Variants in ATL2 observed in about 807,000 individuals in gnomAD.
ATL2 encodes the protein atlastin GTPase 2.
ATL2 carries 31 observed loss-of-function variants against 73.9 expected under a neutral mutation model. The observed-to-expected ratio is 0.42, with a 90% confidence interval of 0.32 to 0.57. The LOEUF (loss-of-function observed/expected upper bound fraction) is 0.57. Among genes scored for constraint, ATL2 ranks in the 20% least tolerant of loss-of-function variants. The probability of loss-of-function intolerance (pLI) is 0.14; values close to 1 mark genes in which losing one functional copy is unlikely to be tolerated. For missense variants in ATL2, 738 were observed against 702.6 expected (o/e 1.05, Z -0.57); for synonymous variants, 291 against 237.5 (o/e 1.23, Z -2.07).
chr2:38,361,350 T>A (rs1252275103), intron 1 of ATL2, among the ~76,000 whole-genome samples: 1 of 112,332 alleles, frequency 8.9e-6, no homozygotes, highest in African/African-American at 4.3e-5. Flanking sequence ...CAAGACTCCG[T>A]CTCAAAAAAA....
chr2:38,350,624 T>C (rs1363200934), intron 1 of ATL2, among the ~76,000 whole-genome samples: 1 of 152,162 alleles, frequency 6.6e-6, no homozygotes, highest in African/African-American at 2.4e-5. Context: ...TAATGATGTG[T>C]TAGTGAAGGT....
In ATL2 at chr2:38,295,834, T is replaced by A. The variant is rs1408869719; in HGVS notation, c.*160A>T. ...GAGCCATTAAAAGAATGCTTAAAACTAACAAACAATCTTCACACTCTGTGG... is the reference window on the plus strand; with the variant it reads ...GAGCCATTAAAAGAATGCTTAAAACAAACAAACAATCTTCACACTCTGTGG... On this transcript the variant is annotated 3_prime_UTR_variant, in exon 13 of 13. Transcript: ENST00000378954. 1.2e-5 allele frequency: 7 copies of A among 602,738 alleles called. No homozygotes were observed. In the South Asian group the frequency reaches 1.2e-4, roughly 10 times the overall value. 37.3% of individuals were successfully genotyped at this position (602,738 alleles called of 1,614,324 possible). A position where few individuals can be genotyped will look rare whatever the true frequency, so the allele number is the denominator to read the frequency against.
chr2:38,377,687 G>GC (rs1182380988), upstream of ATL2, among the ~76,000 whole-genome samples: 1 of 152,040 alleles, frequency 6.6e-6, no homozygotes, highest in African/African-American at 2.4e-5. Context: ...GTTGATTCGT[G>GC]CGTCCTGCAC....
chr2:38,305,040 T>C (rs1164249860), intron 9 of ATL2, among the ~76,000 whole-genome samples: 1 of 149,176 alleles, frequency 6.7e-6, no homozygotes, highest in East Asian at 2.0e-4. Context: ...AGACTGAAAA[T>C]AAAGGTATGG....
In ATL2 at chr2:38,310,667, C is replaced by T. The variant is rs547666038; in HGVS notation, c.805-220G>A. Among the ~76,000 whole-genome samples the T allele has an allele frequency of 5.0e-4, 68 of 136,862 alleles. No individual in the cohort carries two copies. In the South Asian group the frequency reaches 0.014, roughly 28 times the overall value. 89.8% of individuals were successfully genotyped at this position (136,862 alleles called of 152,430 possible). ...TTTTTTTTTTTTAAAGACAGAGTTT[C>T]GCTCTTGTTGCCCAGGCTGGAGTGC... On this transcript the variant is annotated intron_variant, in intron 7 of 12. Coordinates refer to ENST00000378954, the MANE Select transcript of ATL2 (RefSeq NM_001135673.4).
chr2:38,329,423 C>CAAAAA (rs70954711), intron 2 of ATL2, among the ~76,000 whole-genome samples: 41 of 13,672 alleles, frequency 3.0e-3, no homozygotes, highest in African/African-American at 3.5e-3. Context: ...ACTCCATCTC[C>CAAAAA]AAAAAAAAAA....
At chr2:38,366,275 G>A (rs889991076) in intron 1 of ATL2, among the ~76,000 whole-genome samples, 1 of 152,114 alleles carries the variant, frequency 6.6e-6, no homozygotes, top group African/African-American at 2.4e-5. Flanking sequence ...TGCATTTTGA[G>A]CTCCTCAGAT....
chr2:38,355,752 T>C (rs1325533096), intron 1 of ATL2, among the ~76,000 whole-genome samples: 1 of 149,824 alleles, frequency 6.7e-6, no homozygotes, highest in African/African-American at 2.5e-5. Flanking sequence ...CAGGCTGGAG[T>C]GCAGTGGTGC....
Position 38,345,775 on chromosome 2 carries a change from T to C in ATL2, c.119-2263A>G, listed in dbSNP as rs186092906. Among the ~76,000 whole-genome samples, 16 of 152,330 alleles carry C rather than the reference T, an allele frequency of 1.1e-4. No individual in the cohort carries two copies. The East Asian group carries it at 2.3e-3, about 22-fold the overall frequency. On this transcript the variant is annotated intron_variant, in intron 1 of 12. Transcript: ENST00000378954. Reference sequence around the variant, plus strand: ...GGTATAAGTTTCTAAGCTTAATTAGTGGTTTAAGACCATGAAGTAGGGAGC... The same window carrying C: ...GGTATAAGTTTCTAAGCTTAATTAGCGGTTTAAGACCATGAAGTAGGGAGC...
rs1668331202 is a variant in ATL2, at chr2:38,321,713, T to TC, written c.364-2695dup. On this transcript the variant is annotated intron_variant, in intron 2 of 12. Transcript: ENST00000378954. ...GCATAACAATCCTTTTTTCTCTTTT[T>TC]CTTTTTTTTCTTTTTTTGAGACAGG... Among the ~76,000 whole-genome samples the TC allele has an allele frequency of 2.6e-5, 4 of 152,160 alleles. No individual in the cohort carries two copies. The South Asian group carries it at 8.3e-4, about 32-fold the overall frequency.
At chr2:38,376,096 CT>C in intron 1 of ATL2, 1 of 1,472,610 alleles carries the variant, frequency 6.8e-7, no homozygotes, top group Non-Finnish European at 9.1e-7. Context: ...ATAATAAACT[CT>C]TATCTTGGCC....
chr2:38,356,368 T>C (rs1309489838), intron 1 of ATL2, among the ~76,000 whole-genome samples: 1 of 151,978 alleles, frequency 6.6e-6, no homozygotes, highest in African/African-American at 2.4e-5. Flanking sequence ...TTTAAATTTT[T>C]TGTAGAGATA....
At chr2:38,366,397 T>G (rs1291841412) in intron 1 of ATL2, among the ~76,000 whole-genome samples, 1 of 152,244 alleles carries the variant, frequency 6.6e-6, no homozygotes, top group Non-Finnish European at 1.5e-5. Context: ...CATTTGGTCT[T>G]TCAGTTGCCT....
intron 1 of ATL2, among the ~76,000 whole-genome samples, chr2:38,375,203 G>C (rs920219353): frequency 6.6e-6 from 1 of 152,218 alleles, no homozygotes; most frequent in Non-Finnish European, 1.5e-5. Context: ...GAAGCAGAGG[G>C]AGACAAAGAG....
intron 6 of ATL2, 81 bp downstream of exon 6, chr2:38,314,527 G>A (rs1335031190): frequency 1.1e-6 from 1 of 933,520 alleles, no homozygotes. Context: ...GTAATATCCT[G>A]GTGTCTCCAA....
intron 2 of ATL2, among the ~76,000 whole-genome samples, chr2:38,332,891 G>C (rs879630656): frequency 1.3e-5 from 2 of 152,116 alleles, no homozygotes; most frequent in Non-Finnish European, 2.9e-5. Flanking sequence ...AAATTTGTGA[G>C]AACAAAGAAA....
intron 2 of ATL2, among the ~76,000 whole-genome samples, chr2:38,319,672 AACT>A (rs1668214893): frequency 6.6e-6 from 1 of 152,114 alleles, no homozygotes. Flanking sequence ...AATCATAAAA[AACT>A]CGGCACCAAT....
upstream of ATL2, among the ~76,000 whole-genome samples, chr2:38,378,319 T>G (rs931264095): frequency 6.6e-6 from 1 of 152,186 alleles, no homozygotes; most frequent in Non-Finnish European, 1.5e-5. Flanking sequence ...TAGGGCATGG[T>G]GGCTCACGCC....
chr2:38,366,660 A>G (rs1671348677), intron 1 of ATL2, among the ~76,000 whole-genome samples: 1 of 152,210 alleles, frequency 6.6e-6, no homozygotes, highest in Non-Finnish European at 1.5e-5. Context: ...ACTTCAGAAC[A>G]TATAAGCTTA....
Sources: allele counts gnomAD v4.1 joint callset (sites outside exome capture counted in the v4.1 genomes callset), GRCh38; gene constraint gnomAD v4.1.1; transcripts MANE v1.5; gene names NCBI Gene and HGNC (gene_info 2026-07-23, HGNC 2026-07-21).